The following PUS10 variants were observed in gnomAD, a reference collection of about 807,000 sequenced individuals.
The protein encoded by PUS10 is tRNA pseudouridine synthase Pus10.
PUS10 carries 59 observed loss-of-function variants against 75.0 expected under a neutral mutation model. That is an observed-to-expected ratio of 0.79 (90% CI 0.64 to 0.98). The LOEUF (loss-of-function observed/expected upper bound fraction) is 0.98. Among genes scored for constraint, PUS10 ranks in the 50% least tolerant of loss-of-function variants. The pLI is 0.00. For synonymous variants in PUS10, 219 were observed against 211.6 expected (o/e 1.03, Z -0.30); for missense variants, 650 against 614.4 (o/e 1.06, Z -0.61).
chr2:60,992,012 CTTT>C (rs56885280), intron 4 of PUS10, among the ~76,000 whole-genome samples: 7 of 138,334 alleles, frequency 5.1e-5, no homozygotes, highest in South Asian at 2.3e-4. Context: ...AACAGAAGCA[CTTT>C]TTTTTTTTTT....
intron 17 of PUS10, among the ~76,000 whole-genome samples, chr2:60,943,940 A>T (rs938385577): frequency 6.6e-6 from 1 of 152,012 alleles, no homozygotes; most frequent in African/African-American, 2.4e-5. Context: ...AGCCTGGGCA[A>T]CACGGTGAGA....
intron 16 of PUS10, among the ~76,000 whole-genome samples, chr2:60,947,323 G>A (rs1675007036): frequency 6.6e-6 from 1 of 152,104 alleles, no homozygotes; most frequent in Admixed American, 6.5e-5. Context: ...TCTACTACCT[G>A]TGTTTAATCA....
intron 10 of PUS10, 27 bp from the exon 11 acceptor site, chr2:60,960,544 G>T: frequency 6.4e-7 from 1 of 1,551,442 alleles, no homozygotes; most frequent in South Asian, 1.2e-5. Context: ...CAGATAGCCT[G>T]GATGGAATGG....
intron 4 of PUS10, among the ~76,000 whole-genome samples, chr2:60,988,697 G>A (rs1308528509): frequency 1.3e-5 from 2 of 152,140 alleles, no homozygotes; most frequent in Admixed American, 6.5e-5. Flanking sequence ...GTGCAACGGT[G>A]CAATCTCGGC....
At chr2:61,004,059 T>A (rs1353415320) in intron 4 of PUS10, among the ~76,000 whole-genome samples, 1 of 152,162 alleles carries the variant, frequency 6.6e-6, no homozygotes, top group Non-Finnish European at 1.5e-5. Flanking sequence ...ATTTTATGGA[T>A]AGTATATTGA....
chr2:61,004,628 CAAAAAAAA>C (rs70959883), intron 4 of PUS10, among the ~76,000 whole-genome samples: 107 of 67,296 alleles, frequency 1.6e-3, no homozygotes, highest in African/African-American at 2.3e-3. Context: ...GACTCCGTCT[CAAAAAAAA>C]AAAAAAAAAA....
chr2:60,973,808 A>G (rs954601010), intron 4 of PUS10, among the ~76,000 whole-genome samples: 1 of 152,180 alleles, frequency 6.6e-6, no homozygotes, highest in African/African-American at 2.4e-5. Flanking sequence ...AGGCCCACCC[A>G]TGGCTGCCCA....
chr2:60,966,881 A>T (rs913835688), intron 6 of PUS10: 2 of 152,374 alleles, frequency 1.3e-5, no homozygotes, highest in Non-Finnish European at 2.9e-5. Context: ...CAATGAGGCC[A>T]TAATATTAAA....
Position 60,971,550 on chromosome 2 carries a change from G to A in PUS10, c.476C>T (p.Ala159Val), listed in dbSNP as rs1249707656. 10 of 1,613,666 alleles carry A rather than the reference G, an allele frequency of 6.2e-6. No homozygotes were observed. Among genetic ancestry groups the A allele is most frequent in the African/African-American group, 2.7e-5 (2 of 75,018 alleles). ...PPQLSVREHAAWLLVKQEMGK... is the reference protein window; with the variant it reads ...PPQLSVREHAVWLLVKQEMGK... ...CATTTCCTGTTTTACCAGCAACCATGCAGCATGCTGTAGGCAATTTAGTCA... is the reference window on the plus strand; with the variant it reads ...CATTTCCTGTTTTACCAGCAACCATACAGCATGCTGTAGGCAATTTAGTCA... Residue 159 changes from alanine (A) to valine (V), a missense_variant, in exon 5 of 18, where the codon GCA becomes GTA. Transcript: ENST00000316752.
chr2:60,987,363 C>T (rs962139870), intron 4 of PUS10, among the ~76,000 whole-genome samples: 1 of 151,354 alleles, frequency 6.6e-6, no homozygotes, highest in Admixed American at 6.6e-5. Context: ...ATTAGGACAC[C>T]TTGATGTAAT....
intron 10 of PUS10, 54 bp downstream of exon 10, chr2:60,961,409 T>C: frequency 7.4e-7 from 1 of 1,343,492 alleles, no homozygotes; most frequent in Non-Finnish European, 1.1e-6. Flanking sequence ...AGCTGAGTTT[T>C]TAGAAAGGAG....
chr2:60,951,382 C>T (rs1043292716), intron 15 of PUS10, among the ~76,000 whole-genome samples: 3 of 152,058 alleles, frequency 2.0e-5, no homozygotes, highest in African/African-American at 7.3e-5. Context: ...ATCATTATTA[C>T]ACTGTAATAT....
At chr2:60,954,266 C>CATTTGGGCTAA in intron 12 of PUS10, 108 bp from the exon 13 acceptor site, 7 of 957,728 alleles carry the variant, frequency 7.3e-6, no homozygotes, top group Non-Finnish European at 1.1e-5. Context: ...CTCTAGAGGA[C>CATTTGGGCTAA]TGAAAGTTTA....
intron 4 of PUS10, among the ~76,000 whole-genome samples, chr2:60,994,278 T>C (rs546019156): frequency 2.0e-5 from 3 of 151,738 alleles, no homozygotes; most frequent in Non-Finnish European, 4.4e-5. Context: ...GACATATCCA[T>C]GACAAAGGAT....
intron 1 of PUS10, among the ~76,000 whole-genome samples, chr2:61,013,659 C>CA (rs1274280517): frequency 6.6e-6 from 1 of 152,114 alleles, no homozygotes; most frequent in Non-Finnish European, 1.5e-5. Context: ...TCAGACTAGA[C>CA]AAAAAAATCT....
chr2:60,991,407 C>G (rs901458952), intron 4 of PUS10, among the ~76,000 whole-genome samples: 1 of 152,096 alleles, frequency 6.6e-6, no homozygotes, highest in Non-Finnish European at 1.5e-5. Flanking sequence ...TTAAGAGATA[C>G]AAGGAATCCA....
At chr2:61,015,283 T>C (rs902574911) in intron 1 of PUS10, among the ~76,000 whole-genome samples, 1 of 152,098 alleles carries the variant, frequency 6.6e-6, no homozygotes, top group African/African-American at 2.4e-5. Flanking sequence ...GCATTATCAC[T>C]TGAGGTCTGG....
chr2:60,997,191 A>G (rs1205652887), intron 4 of PUS10, among the ~76,000 whole-genome samples: 1 of 152,224 alleles, frequency 6.6e-6, no homozygotes, highest in Non-Finnish European at 1.5e-5. Context: ...TAAAAATGGC[A>G]GCCTGTGTGC....
intron 4 of PUS10, among the ~76,000 whole-genome samples, chr2:61,002,781 A>C (rs1678937705): frequency 6.6e-6 from 1 of 152,196 alleles, no homozygotes; most frequent in South Asian, 2.1e-4. Flanking sequence ...GGTATTTATT[A>C]CTCTCTTATA....
Sources: allele counts gnomAD v4.1 joint callset (sites outside exome capture counted in the v4.1 genomes callset), GRCh38; gene constraint gnomAD v4.1.1; transcripts MANE v1.5; gene names NCBI Gene and HGNC (gene_info 2026-07-23, HGNC 2026-07-21).